The following LSAMP variants were observed in gnomAD, a reference collection of about 807,000 sequenced individuals.
The protein encoded by LSAMP is limbic system associated membrane protein, also known as limbic system-associated membrane protein.
LSAMP carries 7 observed loss-of-function variants against 38.6 expected under a neutral mutation model. The observed-to-expected ratio is 0.18, with a 90% CI of 0.10 to 0.34. The LOEUF (loss-of-function observed/expected upper bound fraction) is 0.34, where lower values mean the gene tolerates loss of function less well. LSAMP is among the 10% of genes least tolerant of loss of function. The probability of loss-of-function intolerance (pLI) is 1.00; values close to 1 mark genes in which losing one functional copy is unlikely to be tolerated. For synonymous variants in LSAMP, 154 were observed against 166.8 expected (o/e 0.92, Z 0.59); for missense variants, 313 against 420.0 (o/e 0.75, Z 2.23).
At chr3:115,845,032 A>G (rs1474442405) in intron 4 of LSAMP, among the ~76,000 whole-genome samples, 1 of 152,210 alleles carries the variant, frequency 6.6e-6, no homozygotes, top group Non-Finnish European at 1.5e-5. Flanking sequence ...AGGCTGAGAG[A>G]TATTAGGCTT....
chr3:116,110,768 G>A (rs1191909131), intron 1 of LSAMP, among the ~76,000 whole-genome samples: 1 of 152,296 alleles, frequency 6.6e-6, no homozygotes, highest in East Asian at 1.9e-4. Flanking sequence ...TCTCCCAAGG[G>A]AGGTCCCCCG....
At chr3:116,088,681 C>A (rs542308186) in intron 1 of LSAMP, among the ~76,000 whole-genome samples, 1 of 152,098 alleles carries the variant, frequency 6.6e-6, no homozygotes, top group African/African-American at 2.4e-5. Flanking sequence ...ACCTGCACAG[C>A]GTAACACAAG....
chr3:116,279,278 A>T (rs62271408), intron 1 of LSAMP, among the ~76,000 whole-genome samples: 2,068 of 152,330 alleles, frequency 0.014, 14 homozygotes, highest in Non-Finnish European at 0.022. Flanking sequence ...TTTAGAGGAG[A>T]AAGTACAATC....
At chr3:116,383,218 A>C (rs895877398) in intron 1 of LSAMP, among the ~76,000 whole-genome samples, 1 of 152,150 alleles carries the variant, frequency 6.6e-6, no homozygotes, top group Non-Finnish European at 1.5e-5. Context: ...AATACTTTGA[A>C]GTATTTTTTC....
intron 3 of LSAMP, among the ~76,000 whole-genome samples, chr3:115,914,760 G>T (rs771355728): frequency 6.6e-6 from 1 of 152,114 alleles, no homozygotes; most frequent in Non-Finnish European, 1.5e-5. Context: ...CCTTTTAGCT[G>T]CATATCACAT....
intron 2 of LSAMP, among the ~76,000 whole-genome samples, chr3:116,049,630 C>T (rs893113803): frequency 6.6e-6 from 1 of 152,108 alleles, no homozygotes; most frequent in Non-Finnish European, 1.5e-5. Flanking sequence ...CTCTAGCTGC[C>T]TCATGTATGA....
intron 4 of LSAMP, among the ~76,000 whole-genome samples, chr3:115,843,823 G>A (rs1044267772): frequency 9.9e-5 from 15 of 152,126 alleles, no homozygotes; most frequent in African/African-American, 3.4e-4. Context: ...CTTCCCATAA[G>A]CTTAGACATT....
At chr3:115,895,972 T>C (rs9872745) in intron 3 of LSAMP, among the ~76,000 whole-genome samples, 21,455 of 152,124 alleles carry the variant, frequency 0.14, 1,595 homozygotes, top group Middle Eastern at 0.21. Flanking sequence ...GAACATCTAT[T>C]GTTGTACAAC....
At chr3:116,072,687 A>C (rs1707638469) in intron 2 of LSAMP, among the ~76,000 whole-genome samples, 1 of 150,560 alleles carries the variant, frequency 6.6e-6, no homozygotes. Context: ...TTGACTGCAT[A>C]AATGTTTTCT....
intron 3 of LSAMP, among the ~76,000 whole-genome samples, chr3:115,928,084 T>C (rs1019864882): frequency 1.3e-5 from 2 of 152,232 alleles, no homozygotes; most frequent in Non-Finnish European, 2.9e-5. Flanking sequence ...GCCTAGCATA[T>C]AGTATATGCT....
At chr3:116,346,203 C>T (rs1205245092) in intron 1 of LSAMP, among the ~76,000 whole-genome samples, 1 of 152,012 alleles carries the variant, frequency 6.6e-6, no homozygotes, top group Non-Finnish European at 1.5e-5. Context: ...ATGGATTCCG[C>T]TTTGCATTGT....
intron 2 of LSAMP, among the ~76,000 whole-genome samples, chr3:116,059,454 A>C (rs1941551871): frequency 6.6e-6 from 1 of 152,172 alleles, no homozygotes; most frequent in Non-Finnish European, 1.5e-5. Context: ...CTAGCTCCTG[A>C]AAATTCTGAA....
chr3:116,393,970 G>A (rs552579427), intron 1 of LSAMP, among the ~76,000 whole-genome samples: 3 of 152,326 alleles, frequency 2.0e-5, no homozygotes, highest in African/African-American at 7.2e-5. Context: ...TTTTATGAAT[G>A]AGTCTTTAGT....
intron 1 of LSAMP, among the ~76,000 whole-genome samples, chr3:116,326,339 T>C (rs1275437078): frequency 1.3e-5 from 2 of 152,160 alleles, no homozygotes; most frequent in Non-Finnish European, 2.9e-5. Context: ...TTCCTGGCTA[T>C]TTTTATTTAG....
At chr3:115,931,798 A>T (rs1161789170) in intron 3 of LSAMP, among the ~76,000 whole-genome samples, 2 of 152,224 alleles carry the variant, frequency 1.3e-5, no homozygotes, top group East Asian at 3.8e-4. Flanking sequence ...TTCTAAGTTT[A>T]TTGAAGAGAA....
At chr3:116,194,803 C>T (rs746927295) in intron 1 of LSAMP, among the ~76,000 whole-genome samples, 2 of 152,070 alleles carry the variant, frequency 1.3e-5, no homozygotes, top group Non-Finnish European at 2.9e-5. Flanking sequence ...CAAAGAGGGG[C>T]TTATTAAGAT....
At chr3:116,226,515 C>A (rs547923130) in intron 1 of LSAMP, among the ~76,000 whole-genome samples, 1 of 152,334 alleles carries the variant, frequency 6.6e-6, no homozygotes, top group South Asian at 2.1e-4. Context: ...GGCTTACAGA[C>A]TTAACTGTTG....
At chr3:115,969,406 G>T (rs746347818) in intron 3 of LSAMP, among the ~76,000 whole-genome samples, 5 of 152,154 alleles carry the variant, frequency 3.3e-5, no homozygotes, top group Non-Finnish European at 7.3e-5. Context: ...CTAGGAACAT[G>T]AAGAGATTTA....
At chr3:116,185,970 G>C (rs1266143056) in intron 1 of LSAMP, among the ~76,000 whole-genome samples, 1 of 151,672 alleles carries the variant, frequency 6.6e-6, no homozygotes, top group Non-Finnish European at 1.5e-5. Flanking sequence ...GAAATCAAAG[G>C]CTGCATGAAA....
Sources: allele counts gnomAD v4.1 joint callset (sites outside exome capture counted in the v4.1 genomes callset), GRCh38; gene constraint gnomAD v4.1.1; transcripts MANE v1.5; gene names NCBI Gene and HGNC (gene_info 2026-07-23, HGNC 2026-07-21).